The following HACD2 variants were observed in gnomAD, a reference collection of about 807,000 sequenced individuals.
The protein encoded by HACD2 is very-long-chain (3R)-3-hydroxyacyl-CoA dehydratase 2.
HACD2 carries 15 observed loss-of-function variants against 31.0 expected under a neutral mutation model. The ratio of observed to expected loss-of-function variants is 0.48; its 90% CI spans 0.32 to 0.75. The LOEUF is 0.75. Among genes scored for constraint, HACD2 ranks in the 30% least tolerant of loss-of-function variants. The pLI is 0.03. For missense variants in HACD2, 283 were observed against 313.0 expected (o/e 0.90, Z 0.72); for synonymous variants, 115 against 122.2 (o/e 0.94, Z 0.39).
At chr3:123,571,656 G>T (rs532170079) in intron 2 of HACD2, among the ~76,000 whole-genome samples, 2 of 152,190 alleles carry the variant, frequency 1.3e-5, no homozygotes, top group South Asian at 4.2e-4. Context: ...TCTTCCCCTG[G>T]AGCCTCCAGA....
At chr3:123,522,828 C>T (rs1057388150) in intron 4 of HACD2, among the ~76,000 whole-genome samples, 1 of 152,094 alleles carries the variant, frequency 6.6e-6, no homozygotes, top group African/African-American at 2.4e-5. Context: ...AACTCAATGG[C>T]CTCTGCTAAC....
chr3:123,575,203 G>T (rs2056895419), intron 2 of HACD2, among the ~76,000 whole-genome samples: 1 of 151,474 alleles, frequency 6.6e-6, no homozygotes, highest in Non-Finnish European at 1.5e-5. Flanking sequence ...TGAAACTCCT[G>T]GGCTCAAGCG....
chr3:123,562,542 T>C (rs1553762336), intron 3 of HACD2, among the ~76,000 whole-genome samples: 1 of 152,214 alleles, frequency 6.6e-6, no homozygotes, highest in Non-Finnish European at 1.5e-5. Context: ...ATTATGTTGC[T>C]TAAGTAATAA....
At chr3:123,520,790 C>T (rs2056204722) in intron 4 of HACD2, among the ~76,000 whole-genome samples, 1 of 152,200 alleles carries the variant, frequency 6.6e-6, no homozygotes, top group Non-Finnish European at 1.5e-5. Flanking sequence ...AACTTGACAA[C>T]ATAGTTTAAA....
intron 3 of HACD2, among the ~76,000 whole-genome samples, chr3:123,558,077 G>A (rs1288275360): frequency 1.3e-5 from 2 of 152,182 alleles, no homozygotes; most frequent in Non-Finnish European, 2.9e-5. Flanking sequence ...TCCAGACAAC[G>A]GGGTATTATT....
rs1316442271 is a variant in HACD2, at chr3:123,542,133, C to T, written c.293-13659G>A. On this transcript the variant is annotated intron_variant, in intron 3 of 6. Transcript: ENST00000383657. ...CTGCACTCCAGCCTGGGCGACAGAGCGAGACTCCGTCTCAAAAAAAAAAAA... is the reference window on the plus strand; with the variant it reads ...CTGCACTCCAGCCTGGGCGACAGAGTGAGACTCCGTCTCAAAAAAAAAAAA... Among the ~76,000 whole-genome samples the T allele has an allele frequency of 1.1e-4, 9 of 84,102 alleles. No homozygotes were observed. In the East Asian group the frequency reaches 1.1e-3, roughly 11 times the overall value. 55.2% of individuals were successfully genotyped at this position (84,102 alleles called of 152,430 possible).
intron 4 of HACD2, among the ~76,000 whole-genome samples, chr3:123,511,748 T>C (rs567741516): frequency 1.3e-5 from 2 of 152,340 alleles, no homozygotes; most frequent in African/African-American, 4.8e-5. Flanking sequence ...GTTAATGTAA[T>C]CTTCTTCCCT....
At chr3:123,563,642 TATACACACACACACACACACAC>T (rs1425528587) in intron 3 of HACD2, among the ~76,000 whole-genome samples, 8 of 105,180 alleles carry the variant, frequency 7.6e-5, no homozygotes, top group African/African-American at 1.2e-4. Flanking sequence ...AAAAAATATA[TATACACACACACACACACACAC>T]ACACACACAC....
chr3:123,500,196 G>C (rs753681822), intron 6 of HACD2, among the ~76,000 whole-genome samples: 1 of 152,152 alleles, frequency 6.6e-6, no homozygotes, highest in Non-Finnish European at 1.5e-5. Context: ...CTACAATCAA[G>C]GTAAGGCCTT....
chr3:123,517,494 ATATTC>A (rs1480712146), intron 4 of HACD2, among the ~76,000 whole-genome samples: 3 of 152,206 alleles, frequency 2.0e-5, no homozygotes, highest in Non-Finnish European at 4.4e-5. Flanking sequence ...TCCAGTCTAA[ATATTC>A]TATGAAGTGA....
chr3:123,524,436 G>GT (rs2056253497), intron 4 of HACD2, among the ~76,000 whole-genome samples: 1 of 152,128 alleles, frequency 6.6e-6, no homozygotes, highest in South Asian at 2.1e-4. Context: ...CACTTGAGCA[G>GT]TAAAAAAACA....
At chr3:123,563,353 C>G (rs2056754809) in intron 3 of HACD2, among the ~76,000 whole-genome samples, 1 of 152,122 alleles carries the variant, frequency 6.6e-6, no homozygotes, top group Non-Finnish European at 1.5e-5. Context: ...GAGAGCAGAG[C>G]CTGGGCACAG....
At chr3:123,543,047 T>C (rs753192215) in intron 3 of HACD2, among the ~76,000 whole-genome samples, 9 of 152,236 alleles carry the variant, frequency 5.9e-5, no homozygotes, top group Non-Finnish European at 1.0e-4. Flanking sequence ...CCTGCCTGAG[T>C]TGGGAATATT....
chr3:123,570,063 G>A (rs969398469), intron 2 of HACD2, among the ~76,000 whole-genome samples: 2 of 136,076 alleles, frequency 1.5e-5, no homozygotes, highest in Non-Finnish European at 3.1e-5. Flanking sequence ...ACAGGACACT[G>A]CAGGAGAGGA....
chr3:123,571,604 A>G (rs1202481772), intron 2 of HACD2, among the ~76,000 whole-genome samples: 1 of 152,180 alleles, frequency 6.6e-6, no homozygotes, highest in African/African-American at 2.4e-5. Context: ...TCACACCTAC[A>G]ACTAGATTCA....
chr3:123,558,622 A>C (rs1475244765), intron 3 of HACD2, among the ~76,000 whole-genome samples: 1 of 152,210 alleles, frequency 6.6e-6, no homozygotes, highest in Non-Finnish European at 1.5e-5. Flanking sequence ...CAGTGAATGA[A>C]GAGAAAAAAA....
chr3:123,524,016 C>T (rs572982759), intron 4 of HACD2, among the ~76,000 whole-genome samples: 13 of 152,312 alleles, frequency 8.5e-5, no homozygotes, highest in African/African-American at 3.1e-4. Context: ...TCCACAGTAT[C>T]TTTACTTAGC....
intron 3 of HACD2, among the ~76,000 whole-genome samples, chr3:123,559,004 T>A (rs1314092374): frequency 2.0e-5 from 3 of 152,218 alleles, no homozygotes; most frequent in Non-Finnish European, 2.9e-5. Context: ...GCTTTACAAT[T>A]AAGAAATATT....
At chr3:123,533,886 T>C (rs375985288) in intron 3 of HACD2, among the ~76,000 whole-genome samples, 35 of 152,238 alleles carry the variant, frequency 2.3e-4, no homozygotes, top group African/African-American at 8.2e-4. Flanking sequence ...GATTACAACT[T>C]GGTTTCAGAA....
Sources: allele counts gnomAD v4.1 joint callset (sites outside exome capture counted in the v4.1 genomes callset), GRCh38; gene constraint gnomAD v4.1.1; transcripts MANE v1.5; gene names NCBI Gene and HGNC (gene_info 2026-07-23, HGNC 2026-07-21).